Variants in SLIT3 observed in about 807,000 individuals in gnomAD.
SLIT3 encodes slit guidance ligand 3.
SLIT3 carries 68 observed loss-of-function variants against 184.0 expected under a neutral mutation model. The observed-to-expected ratio is 0.37, with a 90% CI of 0.30 to 0.45. SLIT3 has a LOEUF of 0.45. Among genes scored for constraint, SLIT3 ranks in the 20% least tolerant of loss-of-function variants. The pLI, the probability that SLIT3 is intolerant of heterozygous loss-of-function variation, is 1.00. For missense variants in SLIT3, 1,707 were observed against 2,026.0 expected (o/e 0.84, Z 3.02); for synonymous variants, 831 against 828.6 (o/e 1.00, Z -0.05).
intron 9 of SLIT3, 80 bp from the exon 10 acceptor site, chr5:168,795,658 C>T: frequency 1.7e-6 from 2 of 1,164,216 alleles, no homozygotes; most frequent in East Asian, 2.3e-5. Flanking sequence ...TGTTCTCTGG[C>T]CTTAAGGACA....
chr5:168,860,031 A>G (rs1759044430), intron 5 of SLIT3, among the ~76,000 whole-genome samples: 1 of 151,916 alleles, frequency 6.6e-6, no homozygotes, highest in African/African-American at 2.4e-5. Flanking sequence ...CCTTTAGGTT[A>G]TTAACAAAAT....
intron 4 of SLIT3, among the ~76,000 whole-genome samples, chr5:169,084,476 T>G (rs1488455939): frequency 4.7e-5 from 7 of 147,686 alleles, no homozygotes; most frequent in South Asian, 2.2e-4. Flanking sequence ...TTTTTTTTTT[T>G]TTGTTTCTGG....
intron 9 of SLIT3, among the ~76,000 whole-genome samples, chr5:168,795,974 T>A (rs773647258): frequency 6.6e-6 from 1 of 152,184 alleles, no homozygotes; most frequent in Non-Finnish European, 1.5e-5. Flanking sequence ...CAGCAATGCT[T>A]ATCTGTCATG....
At chr5:169,006,599 TCTCTCTCACA>T (rs1755938568) in intron 4 of SLIT3, among the ~76,000 whole-genome samples, 1 of 149,136 alleles carries the variant, frequency 6.7e-6, no homozygotes, top group East Asian at 2.0e-4. Context: ...TCTCTCTCTC[TCTCTCTCACA>T]CACACACACA....
chr5:168,684,573 G>A lies in SLIT3; in HGVS notation c.3556-477C>T, dbSNP rs561773073. 1.1e-3 allele frequency among the ~76,000 whole-genome samples: 166 copies of A among 152,212 alleles called. 1 individual carries two copies. Among genetic ancestry groups the A allele is most frequent in the African/African-American group, 3.9e-3 (163 of 41,514 alleles). ...CAGCCTCCACTTCCTGGGTTCAAGC[G>A]TTTCTGGTGCCTCAGCCTCCTGAGT... is the stretch of plus-strand genomic sequence containing the variant. On this transcript the variant is annotated intron_variant, in intron 31 of 35. Coordinates refer to ENST00000519560, the MANE Select transcript of SLIT3 (RefSeq NM_003062.4).
At chr5:168,914,898 G>A (rs1315572703) in intron 4 of SLIT3, among the ~76,000 whole-genome samples, 1 of 151,960 alleles carries the variant, frequency 6.6e-6, no homozygotes, top group Non-Finnish European at 1.5e-5. Context: ...TAAAAATGTA[G>A]GCTTACTGTC....
chr5:168,748,253 T>C (rs1455443107), intron 20 of SLIT3, 49 bp downstream of exon 20: 7 of 1,436,872 alleles, frequency 4.9e-6, no homozygotes, highest in South Asian at 1.6e-5. Context: ...TGGAGGATGC[T>C]GCTGGTGGTG....
At chr5:169,252,549 C>G (rs771280785) in intron 1 of SLIT3, among the ~76,000 whole-genome samples, 45 of 152,178 alleles carry the variant, frequency 3.0e-4, no homozygotes, top group Non-Finnish European at 3.1e-4. Context: ...AAAAAGGAAC[C>G]ATGAATAATA....
intron 3 of SLIT3, among the ~76,000 whole-genome samples, chr5:169,233,236 G>A (rs1765070189): frequency 6.6e-6 from 1 of 152,148 alleles, no homozygotes. Flanking sequence ...TCTTGGCCAG[G>A]ATGGTCTCGA....
intron 4 of SLIT3, among the ~76,000 whole-genome samples, chr5:168,990,744 C>A (rs1268341394): frequency 1.3e-5 from 2 of 152,162 alleles, no homozygotes; most frequent in Non-Finnish European, 2.9e-5. Context: ...CAGGTCCTGT[C>A]CCTCTTGGGT....
At chr5:169,000,064 T>C (rs939501309) in intron 4 of SLIT3, among the ~76,000 whole-genome samples, 4 of 152,142 alleles carry the variant, frequency 2.6e-5, no homozygotes, top group South Asian at 2.1e-4. Context: ...GCGATCATTA[T>C]TGACGACAAA....
intron 4 of SLIT3, among the ~76,000 whole-genome samples, chr5:169,089,957 C>T (rs777033221): frequency 1.3e-5 from 2 of 152,152 alleles, no homozygotes; most frequent in African/African-American, 2.4e-5. Context: ...ATTCAGAGTC[C>T]TACCAAGAGA....
At chr5:169,153,162 G>A (rs559681687) in intron 4 of SLIT3, among the ~76,000 whole-genome samples, 5 of 152,286 alleles carry the variant, frequency 3.3e-5, no homozygotes, top group Admixed American at 1.3e-4. Context: ...CTGACAAGTC[G>A]CCTCAAATCA....
At chr5:168,898,153 C>CT (rs150592029) in intron 4 of SLIT3, among the ~76,000 whole-genome samples, 12,235 of 152,274 alleles carry the variant, frequency 0.08, 626 homozygotes, top group Non-Finnish European at 0.12. Context: ...CCTGCCCATC[C>CT]TCTAGTATCT....
At chr5:169,199,206 G>C (rs1032021401) in intron 3 of SLIT3, among the ~76,000 whole-genome samples, 1 of 147,554 alleles carries the variant, frequency 6.8e-6, no homozygotes, top group Non-Finnish European at 1.5e-5. Flanking sequence ...GGTATAATCG[G>C]CTGGGTTTTG....
rs192856886 is a variant in SLIT3 at position 169,073,496 on chromosome 5, C to T, written c.413+119983G>A. On this transcript the variant is annotated intron_variant, in intron 4 of 35. Coordinates refer to ENST00000519560, the MANE Select transcript of SLIT3 (RefSeq NM_003062.4). ...TGGTGGGAGGCAAAGTCGTCTTCTACAGTAGAATCAGACAATGTCAGTGAT... is the reference window on the plus strand; with the variant it reads ...TGGTGGGAGGCAAAGTCGTCTTCTATAGTAGAATCAGACAATGTCAGTGAT... Among the ~76,000 whole-genome samples the T allele has an allele frequency of 2.6e-5, 4 of 152,148 alleles. No individual in the cohort carries two copies. The East Asian group carries it at 7.7e-4, about 29-fold the overall frequency.
At chr5:168,743,179 C>A (rs1216983317) in intron 20 of SLIT3, among the ~76,000 whole-genome samples, 1 of 152,146 alleles carries the variant, frequency 6.6e-6, no homozygotes, top group Non-Finnish European at 1.5e-5. Flanking sequence ...CTGTCACTTA[C>A]ATCTGAGGGT....
chr5:168,714,788 C>T (rs1056850119), intron 23 of SLIT3, among the ~76,000 whole-genome samples: 2 of 152,160 alleles, frequency 1.3e-5, no homozygotes, highest in African/African-American at 4.8e-5. Context: ...CTCCCTGATG[C>T]CTCCCAGCGG....
intron 4 of SLIT3, among the ~76,000 whole-genome samples, chr5:169,027,024 C>T (rs1561616488): frequency 1.3e-5 from 2 of 152,106 alleles, no homozygotes; most frequent in African/African-American, 4.8e-5. Context: ...AAGAATGAAA[C>T]ATTAGATGAC....
Sources: allele counts gnomAD v4.1 joint callset (sites outside exome capture counted in the v4.1 genomes callset), GRCh38; gene constraint gnomAD v4.1.1; transcripts MANE v1.5; gene names NCBI Gene and HGNC (gene_info 2026-07-23, HGNC 2026-07-21).